The following PCDH17 variants were observed in gnomAD, a reference collection of about 807,000 sequenced individuals.
PCDH17 encodes the protein protocadherin 17, also known as protocadherin-17.
PCDH17 carries 21 observed loss-of-function variants against 67.7 expected under a neutral mutation model. That is an observed-to-expected ratio of 0.31 (90% CI 0.22 to 0.45). The LOEUF (loss-of-function observed/expected upper bound fraction) is 0.45, where lower values mean the gene tolerates loss of function less well. Among genes scored for constraint, PCDH17 ranks in the 20% least tolerant of loss-of-function variants. The pLI, the probability that PCDH17 is intolerant of heterozygous loss-of-function variation, is 1.00. For synonymous variants in PCDH17, 701 were observed against 656.7 expected, an observed-to-expected ratio of 1.07 and a Z score of -1.03; for missense variants, 1,471 against 1,564.8, an observed-to-expected ratio of 0.94 and a Z score of 1.01.
chr13:57,677,543 T>G (rs77722112), intron 3 of PCDH17, among the ~76,000 whole-genome samples: 50 of 151,898 alleles, frequency 3.3e-4, no homozygotes, highest in Non-Finnish European at 5.5e-4. Flanking sequence ...CAGAGGAGAA[T>G]GGACAGAGAC....
In PCDH17 at chr13:57,632,719, G is replaced by A; in HGVS notation, c.173G>A (p.Arg58His). 1 of 1,611,504 alleles carries A rather than the reference G, an allele frequency of 6.2e-7. No homozygotes were observed. Among genetic ancestry groups the A allele is most frequent in the Non-Finnish European group, 8.5e-7 (1 of 1,179,872 alleles). ...CCTGCAGAGCGCGGCGGCGGAGGGCGCAGCAAGTCGGGTAGCTACCGGGTG... is the reference window on the plus strand; with the variant it reads ...CCTGCAGAGCGCGGCGGCGGAGGGCACAGCAAGTCGGGTAGCTACCGGGTG... ...LPPAERGGGG[R>H]SKSGSYRVLE... The change falls in exon 1 of 4, where the codon CGC (arginine) becomes CAC (histidine). Residue 58 changes from arginine (R) to histidine (H), a missense_variant. Around this residue, in one of 3 missense-constraint regions of PCDH17, gnomAD observed 1,163 missense variants for 1,230.0 expected, o/e 0.95. Coordinates refer to ENST00000377918, the MANE Select transcript of PCDH17 (RefSeq NM_001040429.3).
chr13:57,680,000 T>C (rs948347550), intron 3 of PCDH17, among the ~76,000 whole-genome samples: 4 of 151,494 alleles, frequency 2.6e-5, no homozygotes, highest in African/African-American at 9.7e-5. Context: ...GGTAATTCAG[T>C]AAATATTACT....
chr13:57,634,762 C>T lies in PCDH17; in HGVS notation c.2216C>T (p.Thr739Ile), dbSNP rs145319880. 2 of 1,613,952 alleles carry T rather than the reference C, an allele frequency of 1.2e-6. No individual in the cohort carries two copies. The highest frequency in any genetic ancestry group is 2.7e-5 in the African/African-American group (2 of 74,902). ...KCKRENKEIR[T>I]YNCRIAEYSH... Reference sequence around the variant, plus strand: ...AAGCGCGAGAACAAGGAGATCCGCACTTACAACTGCCGCATCGCCGAGTAC... The same window carrying T: ...AAGCGCGAGAACAAGGAGATCCGCATTTACAACTGCCGCATCGCCGAGTAC... The change falls in exon 1 of 4, where the codon ACT becomes ATT. Residue 739 changes from threonine to isoleucine, a missense_variant. Around this residue, in one of 3 missense-constraint regions of PCDH17, gnomAD observed 1,163 missense variants for 1,230.0 expected, o/e 0.95. Transcript: ENST00000377918. This position sits in a 1 kb window ranked among gnomAD's most constrained non-coding sequence, Gnocchi z 7.8.
intron 3 of PCDH17, among the ~76,000 whole-genome samples, 157 bp downstream of exon 3, chr13:57,666,990 A>G (rs993899395): frequency 2.0e-5 from 3 of 152,192 alleles, no homozygotes; most frequent in Non-Finnish European, 2.9e-5. Flanking sequence ...AAAAGCAACC[A>G]TTGAATAACA....
chr13:57,630,392 A>C (rs1208873185), upstream of PCDH17, among the ~76,000 whole-genome samples: 1 of 151,848 alleles, frequency 6.6e-6, no homozygotes, highest in Non-Finnish European at 1.5e-5. Context: ...TGCACAATTA[A>C]CTGTACACAT....
intron 3 of PCDH17, among the ~76,000 whole-genome samples, chr13:57,686,937 G>T (rs1157695764): frequency 2.6e-5 from 4 of 151,936 alleles, no homozygotes; most frequent in Non-Finnish European, 2.9e-5. Context: ...TATGACTATT[G>T]TGTTTTATTT....
intron 1 of PCDH17, among the ~76,000 whole-genome samples, chr13:57,643,158 C>T (rs1417921132): frequency 6.6e-6 from 1 of 151,426 alleles, no homozygotes; most frequent in Non-Finnish European, 1.5e-5. Flanking sequence ...AAGCAATTCA[C>T]CTTTGACAAT....
At chr13:57,691,722 G>T (rs1593930897) in intron 3 of PCDH17, among the ~76,000 whole-genome samples, 1 of 151,242 alleles carries the variant, frequency 6.6e-6, no homozygotes, top group African/African-American at 2.4e-5. Flanking sequence ...AGTTGAAAGG[G>T]AATCCATGAG....
At chr13:57,683,186 G>A (rs1222493921) in intron 3 of PCDH17, among the ~76,000 whole-genome samples, 2 of 151,830 alleles carry the variant, frequency 1.3e-5, no homozygotes, top group Non-Finnish European at 2.9e-5. Context: ...ATTTAAGAGG[G>A]AGTCATGGGG....
chr13:57,661,815 G>A (rs938908738), intron 1 of PCDH17, among the ~76,000 whole-genome samples: 12 of 151,998 alleles, frequency 7.9e-5, no homozygotes, highest in African/African-American at 1.9e-4. Context: ...GTATTCACTC[G>A]TTTGGCAATA....
At chr13:57,685,360 T>C (rs1955495668) in intron 3 of PCDH17, among the ~76,000 whole-genome samples, 1 of 151,972 alleles carries the variant, frequency 6.6e-6, no homozygotes, top group South Asian at 2.1e-4. Flanking sequence ...ATGCTATACA[T>C]TCTTTTGTAT....
chr13:57,721,363 G>A (rs1367809434), intron 3 of PCDH17, among the ~76,000 whole-genome samples: 1 of 151,924 alleles, frequency 6.6e-6, no homozygotes, highest in East Asian at 1.9e-4. Context: ...TTCTGGACTT[G>A]TTTTCTGGTG....
At chr13:57,666,021 T>G (rs531790564) in intron 1 of PCDH17, among the ~76,000 whole-genome samples, 4 of 152,100 alleles carry the variant, frequency 2.6e-5, no homozygotes, top group South Asian at 2.1e-4. Flanking sequence ...AATTGAGGAG[T>G]GGATGACTTT....
At position 57,633,102 on chromosome 13, in the gene PCDH17, C is replaced by T. The variant is rs759765507; in HGVS notation, c.556C>T (p.Arg186Cys). The T allele has an allele frequency of 6.2e-7, 1 of 1,613,410 alleles. No individual in the cohort carries two copies. The highest frequency in any genetic ancestry group is 8.5e-7 in the Non-Finnish European group (1 of 1,179,950). Residue 186 changes from arginine to cysteine, a missense_variant, in exon 1 of 4, where the codon CGC becomes TGC. Coordinates refer to ENST00000377918, the MANE Select transcript of PCDH17 (RefSeq NM_001040429.3). The surrounding 1 kb of genome is among the most constrained non-coding windows in gnomAD (Gnocchi z 6.2). ...CCTCTTTGGACTGGACGTTAAGTCC[C>T]GCGGCGACGGCACCAAGTTCCCAGA... is the stretch of plus-strand genomic sequence containing the variant. Reference protein sequence around the residue: ...HGLFGLDVKSRGDGTKFPELV... With the variant: ...HGLFGLDVKSCGDGTKFPELV...
chr13:57,655,671 G>A (rs1234729109), intron 1 of PCDH17, among the ~76,000 whole-genome samples: 1 of 151,952 alleles, frequency 6.6e-6, no homozygotes, highest in African/African-American at 2.4e-5. Context: ...GGCCATGATT[G>A]CCTTTTAATG....
intron 1 of PCDH17, among the ~76,000 whole-genome samples, chr13:57,663,688 G>C (rs771365673): frequency 6.6e-5 from 10 of 152,090 alleles, no homozygotes; most frequent in Non-Finnish European, 1.0e-4. Flanking sequence ...TAATCAATGA[G>C]TTCAGACATT....
rs976086700 is a variant in PCDH17, at chr13:57,661,407, G to T, written c.2566-5061G>T. Reference sequence around the variant, plus strand: ...TGCAACATTATAGATGTTCTCTCAAGGGCTGTAGCTTGTTTTTAAATTCTC... The same window carrying T: ...TGCAACATTATAGATGTTCTCTCAATGGCTGTAGCTTGTTTTTAAATTCTC... On this transcript the variant is annotated intron_variant, in intron 1 of 3. Transcript: ENST00000377918. Among the ~76,000 whole-genome samples, 10 of 152,006 alleles carry T rather than the reference G, an allele frequency of 6.6e-5. No homozygotes were observed. The East Asian group carries it at 1.9e-3, about 29-fold the overall frequency.
intron 1 of PCDH17, among the ~76,000 whole-genome samples, chr13:57,642,045 T>C (rs1246993818): frequency 6.6e-6 from 1 of 151,726 alleles, no homozygotes; most frequent in Non-Finnish European, 1.5e-5. Context: ...ATCTGTATTA[T>C]CTTATTTTCT....
At chr13:57,710,754 T>C (rs1387267802) in intron 3 of PCDH17, among the ~76,000 whole-genome samples, 1 of 151,956 alleles carries the variant, frequency 6.6e-6, no homozygotes, top group Non-Finnish European at 1.5e-5. Flanking sequence ...TTGAAAAACA[T>C]ACATGTATAT....
Sources: allele counts gnomAD v4.1 joint callset (sites outside exome capture counted in the v4.1 genomes callset), GRCh38; gene constraint gnomAD v4.1.1; regional missense constraint gnomAD v4.1.1; non-coding constraint Gnocchi (gnomAD v3.1); transcripts MANE v1.5; gene names NCBI Gene and HGNC (gene_info 2026-07-23, HGNC 2026-07-21).